Variants in NTM observed in about 807,000 individuals in gnomAD.
The protein encoded by NTM is neurotrimin.
NTM carries 13 observed loss-of-function variants against 42.1 expected under a neutral mutation model. The observed-to-expected ratio is 0.31, with a 90% confidence interval of 0.20 to 0.49. NTM has a LOEUF of 0.49. Ranked by LOEUF, NTM falls within the 20% of genes least tolerant of loss-of-function variation. The pLI is 0.99. For synonymous variants in NTM, 187 were observed against 179.2 expected (o/e 1.04, Z -0.35); for missense variants, 373 against 452.8 (o/e 0.82, Z 1.60).
chr11:131,564,868 T>TACACACACATAC (rs749564148), intron 1 of NTM, among the ~76,000 whole-genome samples: 2 of 151,568 alleles, frequency 1.3e-5, no homozygotes, highest in African/African-American at 2.4e-5. Context: ...TACACACACA[T>TACACACACATAC]ACACACACAC....
chr11:131,777,696 G>C (rs2087283036), intron 1 of NTM, among the ~76,000 whole-genome samples: 2 of 152,124 alleles, frequency 1.3e-5, no homozygotes, highest in African/African-American at 4.8e-5. Context: ...CTTGCAAATT[G>C]ACATACTGAG....
chr11:131,673,418 C>A (rs2070769422), intron 1 of NTM, among the ~76,000 whole-genome samples: 1 of 152,146 alleles, frequency 6.6e-6, no homozygotes, highest in African/African-American at 2.4e-5. Flanking sequence ...TTTCTGCCAG[C>A]CCCCAGGCCT....
At chr11:131,624,167 G>T (rs1352212929) in intron 1 of NTM, among the ~76,000 whole-genome samples, 1 of 152,166 alleles carries the variant, frequency 6.6e-6, no homozygotes, top group African/African-American at 2.4e-5. Flanking sequence ...TCATAAGGGC[G>T]ATTCTCTGGC....
chr11:131,437,231 G>T (rs148559862), intron 1 of NTM, among the ~76,000 whole-genome samples: 3 of 152,162 alleles, frequency 2.0e-5, no homozygotes, highest in African/African-American at 4.8e-5. Context: ...GAATAAGTGC[G>T]ATGTGGTGCT....
At chr11:131,450,549 C>T (rs1950403911) in intron 1 of NTM, among the ~76,000 whole-genome samples, 1 of 152,186 alleles carries the variant, frequency 6.6e-6, no homozygotes, top group South Asian at 2.1e-4. Context: ...GGCTGCTTGG[C>T]CAACCATGTG....
chr11:131,976,097 T>TTCCC (rs879440785), intron 2 of NTM, among the ~76,000 whole-genome samples: 252 of 140,816 alleles, frequency 1.8e-3, no homozygotes, highest in Non-Finnish European at 3.3e-3. Context: ...CCTTCCCTCC[T>TTCCC]TCCCTCCCTC....
intron 1 of NTM, among the ~76,000 whole-genome samples, chr11:131,582,958 A>G (rs1421715849): frequency 1.3e-5 from 2 of 152,210 alleles, no homozygotes; most frequent in Non-Finnish European, 2.9e-5. Context: ...TGAGGTTTTC[A>G]GGAAATCAAA....
At chr11:132,226,448 C>A (rs2086304828) in intron 4 of NTM, among the ~76,000 whole-genome samples, 3 of 152,120 alleles carry the variant, frequency 2.0e-5, no homozygotes, top group Admixed American at 2.0e-4. Context: ...ATTTGCATTT[C>A]TGTAATGACC....
At chr11:132,057,511 A>G (rs537301514) in intron 2 of NTM, among the ~76,000 whole-genome samples, 83 of 152,042 alleles carry the variant, frequency 5.5e-4, no homozygotes, top group African/African-American at 1.9e-3. Context: ...AATTTTTCCT[A>G]CTCCTCCCAA....
At chr11:131,878,829 C>T (rs928760394) in intron 1 of NTM, among the ~76,000 whole-genome samples, 16 of 151,596 alleles carry the variant, frequency 1.1e-4, no homozygotes, top group South Asian at 8.4e-4. Flanking sequence ...ATCTCTTTAA[C>T]GATGACTCTC....
At chr11:131,579,429 G>T (rs539295805) in intron 1 of NTM, among the ~76,000 whole-genome samples, 1 of 152,154 alleles carries the variant, frequency 6.6e-6, no homozygotes, top group African/African-American at 2.4e-5. Flanking sequence ...AACCAGTCAG[G>T]CAGTCCCCTA....
At chr11:132,006,840 G>A (rs2070906105) in intron 2 of NTM, among the ~76,000 whole-genome samples, 1 of 152,236 alleles carries the variant, frequency 6.6e-6, no homozygotes, top group Admixed American at 6.5e-5. Context: ...GTGGGCCTAT[G>A]GTGATCATGG....
At chr11:131,430,092 T>A (rs1297573269) in intron 1 of NTM, among the ~76,000 whole-genome samples, 2 of 152,214 alleles carry the variant, frequency 1.3e-5, no homozygotes, top group Non-Finnish European at 2.9e-5. Context: ...GTCACTGTGC[T>A]GGGCGCTGGG....
chr11:132,219,911 C>T (rs1215899328), intron 4 of NTM, among the ~76,000 whole-genome samples: 2 of 152,172 alleles, frequency 1.3e-5, no homozygotes, highest in Non-Finnish European at 2.9e-5. Flanking sequence ...AAAAGCTCAA[C>T]TCAGTCCATT....
intron 1 of NTM, among the ~76,000 whole-genome samples, chr11:131,478,151 C>A (rs1445948688): frequency 6.6e-6 from 1 of 152,210 alleles, no homozygotes; most frequent in Non-Finnish European, 1.5e-5. Context: ...CGGTCAGTAT[C>A]TGCCATTCAC....
chr11:132,023,995 A>C (rs886788438), intron 2 of NTM, among the ~76,000 whole-genome samples: 1 of 151,180 alleles, frequency 6.6e-6, no homozygotes, highest in African/African-American at 2.4e-5. Context: ...ATTTTTTTGT[A>C]TTTTTAGTAG....
chr11:131,419,066 C>T (rs187739135), intron 1 of NTM, among the ~76,000 whole-genome samples: 25 of 152,256 alleles, frequency 1.6e-4, no homozygotes, highest in African/African-American at 5.8e-4. Context: ...TTCCCATTTA[C>T]CCACCCATCT....
At chr11:132,190,353 A>G (rs2079102539) in intron 3 of NTM, among the ~76,000 whole-genome samples, 1 of 152,188 alleles carries the variant, frequency 6.6e-6, no homozygotes, top group Non-Finnish European at 1.5e-5. Context: ...TAAATGATAA[A>G]CAACTAAATA....
chr11:132,263,596 T>TC (rs1304996545), intron 4 of NTM, among the ~76,000 whole-genome samples: 2 of 152,156 alleles, frequency 1.3e-5, no homozygotes, highest in Non-Finnish European at 2.9e-5. Context: ...ACGTTCTGGT[T>TC]CCTTTTTTTT....
Sources: gnomAD v4.1 joint callset for allele counts (sites outside exome capture counted in the v4.1 genomes callset) on GRCh38, gnomAD v4.1.1 for gene constraint, MANE v1.5 for transcripts, NCBI Gene and HGNC (gene_info 2026-07-23, HGNC 2026-07-21) for gene names.